The following ARFIP1 variants were observed in gnomAD, a reference collection of about 807,000 sequenced individuals.
ARFIP1 encodes ARF interacting protein 1, also known as arfaptin-1.
In ARFIP1, 24 loss-of-function variants were observed where a neutral mutation model predicts 42.5. That is an observed-to-expected ratio of 0.57 (90% CI 0.41 to 0.80). ARFIP1 has a LOEUF of 0.80. Ranked by LOEUF, ARFIP1 falls within the 30% of genes least tolerant of loss-of-function variation. The pLI is 0.00. For missense variants in ARFIP1, 354 were observed against 434.0 expected (o/e 0.82, Z 1.64); for synonymous variants, 141 against 153.7 (o/e 0.92, Z 0.61).
intron 8 of ARFIP1, among the ~76,000 whole-genome samples, chr4:152,903,231 G>A (rs62319959): frequency 0.043 from 6,609 of 152,216 alleles, 179 homozygotes; most frequent in South Asian, 0.11. Flanking sequence ...GAAAAAGAAT[G>A]TTCATATTGA....
chr4:152,818,357 A>T (rs1187270595), intron 1 of ARFIP1, among the ~76,000 whole-genome samples: 1 of 152,188 alleles, frequency 6.6e-6, no homozygotes, highest in African/African-American at 2.4e-5. Flanking sequence ...CATGAGGGGA[A>T]GGCTTTAACC....
chr4:152,783,003 A>T (rs749318650), intron 1 of ARFIP1, among the ~76,000 whole-genome samples: 1 of 152,154 alleles, frequency 6.6e-6, no homozygotes, highest in Non-Finnish European at 1.5e-5. Flanking sequence ...AGCAGTCAAC[A>T]TAAGTTTATA....
At chr4:152,877,859 C>CACCAAA (rs962574740) in intron 5 of ARFIP1, among the ~76,000 whole-genome samples, 2 of 152,138 alleles carry the variant, frequency 1.3e-5, no homozygotes, top group African/African-American at 4.8e-5. Context: ...TTTCTCTTGC[C>CACCAAA]ACCACCATGT....
chr4:152,848,216 A>G (rs777090244), intron 2 of ARFIP1, among the ~76,000 whole-genome samples: 12 of 152,370 alleles, frequency 7.9e-5, no homozygotes, highest in East Asian at 1.9e-4. Flanking sequence ...TGATTTGACT[A>G]TAACTGCAGT....
intron 2 of ARFIP1, among the ~76,000 whole-genome samples, chr4:152,841,915 C>T (rs775189864): frequency 3.3e-4 from 50 of 152,056 alleles, no homozygotes; most frequent in Admixed American, 2.4e-3. Flanking sequence ...CTGCACAACC[C>T]CTACTACACC....
chr4:152,854,203 G>A lies in ARFIP1; in HGVS notation c.94-9403G>A, dbSNP rs1463777024. Among the ~76,000 whole-genome samples the A allele has an allele frequency of 6.6e-5, 10 of 152,094 alleles. No homozygotes were observed. In the South Asian group the frequency reaches 8.3e-4, roughly 13 times the overall value. On this transcript the variant is annotated intron_variant, in intron 2 of 8. Transcript: ENST00000353617. ...GCTGGCATTACAGGCATAAGCCACCGCACTCAGCCAAGTTCTGAGATTCTT... is the reference window on the plus strand; with the variant it reads ...GCTGGCATTACAGGCATAAGCCACCACACTCAGCCAAGTTCTGAGATTCTT...
chr4:152,847,124 C>CTTTTTTTTGTTTTTTTTTTTTTT (rs1732602835), intron 2 of ARFIP1, among the ~76,000 whole-genome samples: 1 of 40,584 alleles, frequency 2.5e-5, no homozygotes, highest in African/African-American at 9.6e-5. Flanking sequence ...TAGGTTTGTT[C>CTTTTTTTTGTTTTTTTTTTTTTT]TTTTTTTTTT....
intron 1 of ARFIP1, among the ~76,000 whole-genome samples, chr4:152,805,853 CACAA>C (rs1429777673): frequency 6.6e-6 from 1 of 152,184 alleles, no homozygotes; most frequent in Non-Finnish European, 1.5e-5. Context: ...ATGAATTGAA[CACAA>C]ACAATCTGGC....
rs1735011898 is a variant in ARFIP1, at chr4:152,872,914, G to A, written c.411+350G>A. On this transcript the variant is annotated intron_variant, in intron 5 of 8. Coordinates refer to ENST00000353617, the MANE Select transcript of ARFIP1 (RefSeq NM_001025595.3). ...TTTATAGGAGCTGAAGGTGAAGAGAGGTATATTAGTTCTCCAAAGTTTGAA... is the reference window on the plus strand; with the variant it reads ...TTTATAGGAGCTGAAGGTGAAGAGAAGTATATTAGTTCTCCAAAGTTTGAA... Among the ~76,000 whole-genome samples, 5 of 152,224 alleles carry A rather than the reference G, an allele frequency of 3.3e-5. No individual in the cohort carries two copies. In the South Asian group the frequency reaches 1.0e-3, roughly 32 times the overall value.
At chr4:152,898,554 T>C (rs2149907151) in intron 8 of ARFIP1, among the ~76,000 whole-genome samples, 1 of 152,314 alleles carries the variant, frequency 6.6e-6, no homozygotes, top group African/African-American at 2.4e-5. Flanking sequence ...TAAAGTACTA[T>C]ATAAGGTATT....
At chr4:152,879,970 C>T (rs182459941) in intron 5 of ARFIP1, among the ~76,000 whole-genome samples, 218 of 152,208 alleles carry the variant, frequency 1.4e-3, no homozygotes, top group Non-Finnish European at 8.5e-4. Context: ...AATGTATTAT[C>T]GAATGAAGTT....
intron 1 of ARFIP1, among the ~76,000 whole-genome samples, chr4:152,829,262 T>C (rs890288313): frequency 6.6e-6 from 1 of 152,220 alleles, no homozygotes; most frequent in Non-Finnish European, 1.5e-5. Flanking sequence ...GTCTTCGCAG[T>C]ACTCCAGTTG....
chr4:152,847,972 T>G (rs1732697665), intron 2 of ARFIP1, among the ~76,000 whole-genome samples: 1 of 152,182 alleles, frequency 6.6e-6, no homozygotes, highest in Admixed American at 6.5e-5. Context: ...AATTTTGCAT[T>G]CAGATTTAGT....
intron 1 of ARFIP1, among the ~76,000 whole-genome samples, chr4:152,785,972 CAT>C (rs1463711797): frequency 6.6e-6 from 1 of 152,154 alleles, no homozygotes; most frequent in Non-Finnish European, 1.5e-5. Context: ...TAAAATGCGA[CAT>C]GATATGATGT....
intron 5 of ARFIP1, among the ~76,000 whole-genome samples, chr4:152,873,582 G>A (rs960911244): frequency 6.6e-6 from 1 of 152,074 alleles, no homozygotes; most frequent in Non-Finnish European, 1.5e-5. Context: ...AAATATTCAC[G>A]GATTTCTATT....
intron 1 of ARFIP1, among the ~76,000 whole-genome samples, chr4:152,794,909 T>C (rs961083789): frequency 2.0e-5 from 3 of 152,200 alleles, no homozygotes; most frequent in Non-Finnish European, 4.4e-5. Context: ...GGTTGGCTCC[T>C]GTGTTCTTTC....
intron 1 of ARFIP1, among the ~76,000 whole-genome samples, chr4:152,807,607 GT>G (rs1231107739): frequency 2.0e-5 from 3 of 151,832 alleles, no homozygotes; most frequent in African/African-American, 7.3e-5. Flanking sequence ...TTTCATTTGT[GT>G]TTTCTTGCTA....
intron 3 of ARFIP1, among the ~76,000 whole-genome samples, chr4:152,866,014 C>A (rs1305093678): frequency 1.3e-5 from 2 of 151,884 alleles, no homozygotes; most frequent in African/African-American, 4.8e-5. Flanking sequence ...GAGGACCCTG[C>A]GGCCTTCCGC....
At chr4:152,816,028 G>A (rs978095437) in intron 1 of ARFIP1, among the ~76,000 whole-genome samples, 3 of 152,128 alleles carry the variant, frequency 2.0e-5, no homozygotes, top group Admixed American at 6.5e-5. Flanking sequence ...ACAGGCGTGA[G>A]CCACCGCGCC....
Sources: allele counts gnomAD v4.1 joint callset (sites outside exome capture counted in the v4.1 genomes callset), GRCh38; gene constraint gnomAD v4.1.1; transcripts MANE v1.5; gene names NCBI Gene and HGNC (gene_info 2026-07-23, HGNC 2026-07-21).